Variants in SLC9A9 observed in about 807,000 individuals in gnomAD.
The protein encoded by SLC9A9 is solute carrier family 9 member A9, also known as sodium/hydrogen exchanger 9.
SLC9A9 carries 62 observed loss-of-function variants against 77.8 expected under a neutral mutation model. The observed-to-expected ratio is 0.80, with a 90% confidence interval of 0.65 to 0.98. SLC9A9 has a LOEUF of 0.98. SLC9A9 is among the 50% of genes least tolerant of loss of function. SLC9A9 has a pLI of 0.00. For synonymous variants in SLC9A9, 320 were observed against 283.5 expected (o/e 1.13, Z -1.29); for missense variants, 775 against 774.9 (o/e 1.00, Z 0.00).
At chr3:143,767,365 A>G (rs947114508) in intron 4 of SLC9A9, among the ~76,000 whole-genome samples, 36 of 130,170 alleles carry the variant, frequency 2.8e-4, no homozygotes, top group Admixed American at 2.4e-3. Context: ...TGAAACAGTA[A>G]GTGTCTGTGT....
chr3:143,461,332 T>A (rs190303833), intron 12 of SLC9A9, among the ~76,000 whole-genome samples: 1 of 152,306 alleles, frequency 6.6e-6, no homozygotes, highest in East Asian at 1.9e-4. Context: ...GTCTAAACCT[T>A]CCAGAGACTA....
At chr3:143,329,852 G>A (rs959634515) in intron 14 of SLC9A9, among the ~76,000 whole-genome samples, 7 of 152,134 alleles carry the variant, frequency 4.6e-5, no homozygotes, top group African/African-American at 9.7e-5. Flanking sequence ...AGCCGTCAGC[G>A]CTCACTTTCC....
chr3:143,429,076 G>A (rs867699562), intron 12 of SLC9A9, among the ~76,000 whole-genome samples: 6 of 152,172 alleles, frequency 3.9e-5, no homozygotes, highest in Admixed American at 6.5e-5. Flanking sequence ...AATGATAAAT[G>A]TTAAAGTGAT....
At chr3:143,648,357 A>G (rs1257874492) in intron 6 of SLC9A9, among the ~76,000 whole-genome samples, 1 of 152,208 alleles carries the variant, frequency 6.6e-6, no homozygotes, top group African/African-American at 2.4e-5. Context: ...TTCCTCAGGC[A>G]TTAGACGCTC....
chr3:143,631,878 G>A (rs550032733), intron 6 of SLC9A9, among the ~76,000 whole-genome samples: 35 of 152,216 alleles, frequency 2.3e-4, no homozygotes, highest in Non-Finnish European at 4.7e-4. Context: ...AGTCAATACT[G>A]GGCAGGCACA....
chr3:143,699,298 C>T (rs1933729608), intron 4 of SLC9A9, among the ~76,000 whole-genome samples: 1 of 150,742 alleles, frequency 6.6e-6, no homozygotes, highest in Non-Finnish European at 1.5e-5. Flanking sequence ...GATTGTACAC[C>T]CCACAAATAT....
chr3:143,824,529 C>T (rs2009251023), intron 2 of SLC9A9, among the ~76,000 whole-genome samples: 1 of 152,172 alleles, frequency 6.6e-6, no homozygotes, highest in Non-Finnish European at 1.5e-5. Context: ...CTTCATAGCA[C>T]TTGCCTCCAC....
intron 9 of SLC9A9, among the ~76,000 whole-genome samples, chr3:143,501,671 C>T (rs2035925858): frequency 6.6e-6 from 1 of 150,868 alleles, no homozygotes; most frequent in Non-Finnish European, 1.5e-5. Flanking sequence ...TGGTTGTTGG[C>T]ATTTTAAAAA....
intron 14 of SLC9A9, among the ~76,000 whole-genome samples, chr3:143,278,636 A>G (rs56017204): frequency 0.037 from 5,568 of 152,246 alleles, 126 homozygotes; most frequent in Middle Eastern, 0.061. Flanking sequence ...TCTTGACATG[A>G]TCACCTTCTT....
At chr3:143,733,977 G>T (rs1469338909) in intron 4 of SLC9A9, among the ~76,000 whole-genome samples, 1 of 152,126 alleles carries the variant, frequency 6.6e-6, no homozygotes, top group Non-Finnish European at 1.5e-5. Context: ...TAGGAGGATT[G>T]CTTGAAGCCA....
chr3:143,614,489 A>G (rs2038072234), intron 6 of SLC9A9, among the ~76,000 whole-genome samples: 1 of 152,198 alleles, frequency 6.6e-6, no homozygotes, highest in African/African-American at 2.4e-5. Flanking sequence ...TTCAGATTCC[A>G]GGCACTTTAA....
intron 9 of SLC9A9, among the ~76,000 whole-genome samples, chr3:143,545,270 C>T (rs1286666138): frequency 1.3e-5 from 2 of 152,216 alleles, no homozygotes; most frequent in African/African-American, 4.8e-5. Flanking sequence ...CAAAAACCAG[C>T]TTCTCATGAA....
At chr3:143,541,963 A>T (rs1416026228) in intron 9 of SLC9A9, among the ~76,000 whole-genome samples, 4 of 152,240 alleles carry the variant, frequency 2.6e-5, no homozygotes. Context: ...CCTGGGTCCC[A>T]GTACCCAGGA....
intron 8 of SLC9A9, among the ~76,000 whole-genome samples, chr3:143,557,167 T>C (rs2036999698): frequency 6.6e-6 from 1 of 152,124 alleles, no homozygotes; most frequent in South Asian, 2.1e-4. Flanking sequence ...CGGAGGGTTT[T>C]ACATGTGTCT....
intron 14 of SLC9A9, among the ~76,000 whole-genome samples, chr3:143,307,776 C>A (rs1321424872): frequency 6.6e-6 from 1 of 152,150 alleles, no homozygotes; most frequent in Admixed American, 6.5e-5. Flanking sequence ...GTGAGCCCTG[C>A]CTTTAAGGAC....
intron 12 of SLC9A9, among the ~76,000 whole-genome samples, chr3:143,425,898 G>A (rs968626208): frequency 6.6e-6 from 1 of 151,936 alleles, no homozygotes; most frequent in South Asian, 2.1e-4. Context: ...TCCATCTGGA[G>A]CTGAACTCTG....
At chr3:143,627,666 T>C (rs1358878849) in intron 6 of SLC9A9, 2 of 178,924 alleles carry the variant, frequency 1.1e-5, no homozygotes, top group African/African-American at 2.4e-5. Flanking sequence ...GAGGCAACCT[T>C]TTCAAAACCC....
At chr3:143,761,613 G>A (rs1474335754) in intron 4 of SLC9A9, among the ~76,000 whole-genome samples, 18 of 152,308 alleles carry the variant, frequency 1.2e-4, no homozygotes, top group Middle Eastern at 6.8e-3. Flanking sequence ...CTGGCCATCA[G>A]AGAAATGCAA....
intron 6 of SLC9A9, among the ~76,000 whole-genome samples, chr3:143,623,615 G>T (rs2108716669): frequency 6.6e-6 from 1 of 152,258 alleles, no homozygotes; most frequent in East Asian, 1.9e-4. Flanking sequence ...ATTCAAAGCA[G>T]TGTGTAGAGG....
Sources: allele counts gnomAD v4.1 joint callset (sites outside exome capture counted in the v4.1 genomes callset), GRCh38; gene constraint gnomAD v4.1.1; transcripts MANE v1.5; gene names NCBI Gene and HGNC (gene_info 2026-07-23, HGNC 2026-07-21).